SOX6: variants seen among roughly 807,000 people sequenced by gnomAD.
The protein encoded by SOX6 is transcription factor SOX-6.
SOX6 carries 11 observed loss-of-function variants against 97.8 expected under a neutral mutation model. The observed-to-expected ratio is 0.11, with a 90% CI of 0.07 to 0.19. The LOEUF is 0.19. SOX6 is among the 10% of genes least tolerant of loss of function. The pLI, the probability that SOX6 is intolerant of heterozygous loss-of-function variation, is 1.00. For synonymous variants in SOX6, 360 were observed against 371.4 expected, an observed-to-expected ratio of 0.97 and a Z score of 0.35; for missense variants, 810 against 1,039.5, an observed-to-expected ratio of 0.78 and a Z score of 3.04.
intron 6 of SOX6, among the ~76,000 whole-genome samples, chr11:16,179,699 G>C (rs900401117): frequency 2.6e-5 from 4 of 151,846 alleles, no homozygotes; most frequent in Admixed American, 1.3e-4. Flanking sequence ...ACCCAAAAAA[G>C]ACACATGTGT....
intron 1 of SOX6, among the ~76,000 whole-genome samples, chr11:16,452,011 T>TAAATAAATAAATAAAA (rs766132129): frequency 2.3e-4 from 34 of 147,570 alleles, no homozygotes; most frequent in African/African-American, 6.8e-4. Context: ...AATAAATAAA[T>TAAATAAATAAATAAAA]AAAATAAAAT....
At chr11:16,571,933 G>A (rs1028020326) in intron 4 of SOX6, among the ~76,000 whole-genome samples, 5 of 152,184 alleles carry the variant, frequency 3.3e-5, no homozygotes, top group Admixed American at 6.5e-5. Flanking sequence ...GATTACAGGC[G>A]TGAGCCACTG....
At chr11:16,324,622 A>G (rs1316622122) in intron 2 of SOX6, among the ~76,000 whole-genome samples, 2 of 152,144 alleles carry the variant, frequency 1.3e-5, no homozygotes, top group East Asian at 1.9e-4. Flanking sequence ...TATGGGGTAC[A>G]TGTGATGTTT....
chr11:16,562,186 T>C (rs1297306751), intron 4 of SOX6, among the ~76,000 whole-genome samples: 5 of 152,128 alleles, frequency 3.3e-5, no homozygotes, highest in Non-Finnish European at 4.4e-5. Context: ...AGAAGTACTT[T>C]TCCCCATTCC....
At chr11:16,553,579 A>AT (rs61469318) in intron 4 of SOX6, among the ~76,000 whole-genome samples, 54,772 of 143,328 alleles carry the variant, frequency 0.38, 10,404 homozygotes, top group South Asian at 0.49. Flanking sequence ...GATTTTGGCC[A>AT]TTTTTTTTTT....
intron 2 of SOX6, among the ~76,000 whole-genome samples, chr11:16,716,539 G>C (rs893482349): frequency 3.3e-5 from 5 of 152,066 alleles, no homozygotes; most frequent in Non-Finnish European, 7.4e-5. Context: ...AGTATAAATT[G>C]GTACAAGCAG....
intron 4 of SOX6, among the ~76,000 whole-genome samples, chr11:16,512,645 A>C (rs941409429): frequency 6.6e-6 from 1 of 152,174 alleles, no homozygotes; most frequent in African/African-American, 2.4e-5. Flanking sequence ...TTTTTATCCC[A>C]ACCATGTAGT....
chr11:16,540,423 C>T (rs1208461141), intron 4 of SOX6, among the ~76,000 whole-genome samples: 1 of 152,014 alleles, frequency 6.6e-6, no homozygotes, highest in Non-Finnish European at 1.5e-5. Flanking sequence ...GACAGGGATG[C>T]CCTCTCTCAC....
At chr11:16,587,782 T>C (rs1848111742) in intron 4 of SOX6, among the ~76,000 whole-genome samples, 1 of 152,202 alleles carries the variant, frequency 6.6e-6, no homozygotes, top group African/African-American at 2.4e-5. Context: ...AGAGGTTAAC[T>C]AACAGACTTC....
rs1397225895 is a variant in SOX6 at position 16,253,719 on chromosome 11, G to A, written c.446-19048C>T. Among the ~76,000 whole-genome samples the A allele has an allele frequency of 2.6e-5, 4 of 151,796 alleles. No individual in the cohort carries two copies. The South Asian group carries it at 6.2e-4, about 24-fold the overall frequency. On this transcript the variant is annotated intron_variant, in intron 3 of 15. Transcript: ENST00000683767. ...AAAACCCAGAATATCCAATAACTGT[G>A]GAACAACTACAAATGGTATATCATA...
chr11:16,541,213 A>C (rs1023701534), intron 4 of SOX6, among the ~76,000 whole-genome samples: 2 of 152,114 alleles, frequency 1.3e-5, no homozygotes, highest in African/African-American at 4.8e-5. Context: ...CAAAAACAAG[A>C]AATGGGGAAA....
chr11:16,484,446 C>A, intron 4 of SOX6: 1 of 797,266 alleles, frequency 1.3e-6, no homozygotes. Flanking sequence ...AGCTTACTGA[C>A]AATGAAGAGC....
intron 4 of SOX6, among the ~76,000 whole-genome samples, chr11:16,594,689 T>TTTA: frequency 8.2e-6 from 1 of 122,640 alleles, no homozygotes; most frequent in Admixed American, 8.3e-5. Context: ...TTTTGCTTTT[T>TTTA]TTTTTTTTTT....
chr11:16,178,164 C>T (rs186040312), intron 6 of SOX6, among the ~76,000 whole-genome samples: 13 of 151,994 alleles, frequency 8.6e-5, no homozygotes, highest in African/African-American at 2.4e-4. Context: ...TATTTTTAGG[C>T]GCATTCCAAC....
chr11:16,304,657 T>G (rs1243357940), intron 3 of SOX6, among the ~76,000 whole-genome samples: 1 of 152,198 alleles, frequency 6.6e-6, no homozygotes, highest in Non-Finnish European at 1.5e-5. Context: ...TGTATAGAAA[T>G]GTGAATGATT....
At position 16,476,011 on chromosome 11, in the gene SOX6, T is replaced by C. The variant is rs117594258; in HGVS notation, c.-5+304A>G. ...TCACGTGTATATAGACTAGACTCTT[T>C]AAGATAACTCATTCCTACAATTGAG... On this transcript the variant is annotated intron_variant, in intron 1 of 15. Transcript: ENST00000396356. Among the ~76,000 whole-genome samples the C allele has an allele frequency of 1.3e-3, 201 of 152,294 alleles. 7 individuals are homozygous for C. In the East Asian group the frequency reaches 0.037, roughly 28 times the overall value.
intron 2 of SOX6, among the ~76,000 whole-genome samples, chr11:16,323,956 G>T (rs371457140): frequency 6.6e-6 from 1 of 151,970 alleles, no homozygotes; most frequent in African/African-American, 2.4e-5. Context: ...AGTCAAGCAG[G>T]AGGATCACTT....
In SOX6 at chr11:16,231,269, A is replaced by G. The variant is rs1347113280; in HGVS notation, c.535+3313T>C. ...TTTAATACTATTCAAACATATATTA[A>G]GAGTTCTTAGAAAACACTGAGAACT... On this transcript the variant is annotated intron_variant, in intron 4 of 15. Transcript: ENST00000683767. Among the ~76,000 whole-genome samples the G allele has an allele frequency of 2.0e-5, 3 of 151,826 alleles. No homozygotes were observed. In the East Asian group the frequency reaches 5.8e-4, roughly 29 times the overall value.
intron 15 of SOX6, among the ~76,000 whole-genome samples, chr11:15,978,604 C>G (rs764088073): frequency 4.0e-5 from 6 of 151,286 alleles, no homozygotes; most frequent in Non-Finnish European, 5.9e-5. Flanking sequence ...TGCTTCTTCT[C>G]TTCTCTATCT....
Sources: allele counts gnomAD v4.1 joint callset (sites outside exome capture counted in the v4.1 genomes callset), GRCh38; gene constraint gnomAD v4.1.1; transcripts MANE v1.5; gene names NCBI Gene and HGNC (gene_info 2026-07-23, HGNC 2026-07-21).